The following GAB1 variants were observed in gnomAD, a reference collection of about 807,000 sequenced individuals.
GAB1 encodes GRB2 associated binding protein 1, also known as GRB2-associated-binding protein 1.
In GAB1, 19 loss-of-function variants were observed where a neutral mutation model predicts 66.5. The observed-to-expected ratio is 0.29, with a 90% confidence interval of 0.20 to 0.42. GAB1 has a LOEUF of 0.42. Among genes scored for constraint, GAB1 ranks in the 10% least tolerant of loss-of-function variants. GAB1 has a pLI of 1.00. For synonymous variants in GAB1, 294 were observed against 301.4 expected (o/e 0.98, Z 0.25); for missense variants, 732 against 858.5 (o/e 0.85, Z 1.84).
chr4:143,388,424 T>C (rs1375150426), intron 1 of GAB1, among the ~76,000 whole-genome samples: 1 of 152,200 alleles, frequency 6.6e-6, no homozygotes, highest in Non-Finnish European at 1.5e-5. Flanking sequence ...GAGGTTTTTT[T>C]GTGTGTGCGA....
At chr4:143,417,968 A>G (rs1732786381) in intron 2 of GAB1, among the ~76,000 whole-genome samples, 1 of 152,228 alleles carries the variant, frequency 6.6e-6, no homozygotes, top group African/African-American at 2.4e-5. Context: ...AATCAACACC[A>G]AGATTCGGAT....
chr4:143,426,960 A>G (rs1205626942), intron 2 of GAB1, among the ~76,000 whole-genome samples: 1 of 152,232 alleles, frequency 6.6e-6, no homozygotes, highest in Non-Finnish European at 1.5e-5. Flanking sequence ...CTGATGCAGA[A>G]CTTTGCTCTG....
At chr4:143,422,208 T>G (rs758901608) in intron 2 of GAB1, among the ~76,000 whole-genome samples, 1 of 152,204 alleles carries the variant, frequency 6.6e-6, no homozygotes, top group Non-Finnish European at 1.5e-5. Flanking sequence ...CTATTCAAAA[T>G]GCTTCTCTTT....
chr4:143,375,469 G>C (rs1348887337), intron 1 of GAB1, among the ~76,000 whole-genome samples: 1 of 152,156 alleles, frequency 6.6e-6, no homozygotes, highest in African/African-American at 2.4e-5. Flanking sequence ...TCCTTCACTA[G>C]ATGGTAGCAC....
At chr4:143,381,432 T>C (rs1730648656) in intron 1 of GAB1, among the ~76,000 whole-genome samples, 1 of 152,134 alleles carries the variant, frequency 6.6e-6, no homozygotes, top group African/African-American at 2.4e-5. Flanking sequence ...TTCAGTATGG[T>C]ATCACCGGCT....
chr4:143,423,819 T>C (rs185917537), intron 2 of GAB1, among the ~76,000 whole-genome samples: 8,868 of 126,074 alleles, frequency 0.07, 984 homozygotes, highest in African/African-American at 0.19. Flanking sequence ...TATATATATA[T>C]ATATATATAT....
intron 1 of GAB1, among the ~76,000 whole-genome samples, chr4:143,397,550 C>T (rs1731512282): frequency 6.6e-6 from 1 of 152,128 alleles, no homozygotes. Flanking sequence ...TATGTATAAA[C>T]ATACTTTAAG....
chr4:143,430,772 A>T (rs993575628), intron 2 of GAB1, among the ~76,000 whole-genome samples: 1 of 152,176 alleles, frequency 6.6e-6, no homozygotes, highest in Non-Finnish European at 1.5e-5. Context: ...AATTTACAGA[A>T]AAACCATATT....
intron 1 of GAB1, 126 bp from the exon 2 acceptor site, chr4:143,415,351 A>G: frequency 1.3e-6 from 1 of 744,474 alleles, no homozygotes; most frequent in South Asian, 2.0e-5. Context: ...AAACACACAC[A>G]CAAACACACA....
chr4:143,416,155 C>T (rs938384949), intron 2 of GAB1, among the ~76,000 whole-genome samples: 1 of 152,170 alleles, frequency 6.6e-6, no homozygotes, highest in East Asian at 1.9e-4. Flanking sequence ...CCTGCAATCC[C>T]AGCACTCTGG....
rs1039253584 is a variant in GAB1 at position 143,438,231 on chromosome 4, T to G, written c.826T>G (p.Ser276Ala). 12 of 1,614,002 alleles carry G rather than the reference T, an allele frequency of 7.4e-6. No individual in the cohort carries two copies. Among genetic ancestry groups the G allele is most frequent in the Non-Finnish European group, 1.0e-5 (12 of 1,180,032 alleles). Residue 276 changes from serine (S) to alanine (A), a missense_variant, in exon 4 of 10, where the codon TCA becomes GCA. Around this residue, in one of 4 missense-constraint regions of GAB1, gnomAD observed 427 missense variants for 420.6 expected, o/e 1.02. Coordinates refer to ENST00000262994, the MANE Select transcript of GAB1 (RefSeq NM_002039.4). ...SHDVLPKVSP[S>A]STEADGELYV... Reference sequence around the variant, plus strand: ...TGATGTTTTACCAAAGGTGTCTCCATCAAGTACTGAAGCAGATGGAGAACT... The same window carrying G: ...TGATGTTTTACCAAAGGTGTCTCCAGCAAGTACTGAAGCAGATGGAGAACT...
intron 6 of GAB1, 87 bp downstream of exon 6, chr4:143,440,469 G>T: frequency 7.9e-7 from 1 of 1,264,202 alleles, no homozygotes; most frequent in South Asian, 1.6e-5. Context: ...ATAGAATTTG[G>T]ACTAGAAATT....
chr4:143,337,934 G>T (rs1195912010), intron 1 of GAB1, among the ~76,000 whole-genome samples: 1 of 152,198 alleles, frequency 6.6e-6, no homozygotes, highest in African/African-American at 2.4e-5. Context: ...AGAGGAGGGC[G>T]CTGGGGGGGA....
intron 8 of GAB1, among the ~76,000 whole-genome samples, chr4:143,465,772 G>C (rs1178706765): frequency 6.6e-6 from 1 of 152,118 alleles, no homozygotes; most frequent in African/African-American, 2.4e-5. Context: ...TAACTTGAAA[G>C]CAAGGAATAT....
At chr4:143,402,527 T>G (rs1449992589) in intron 1 of GAB1, among the ~76,000 whole-genome samples, 1 of 152,144 alleles carries the variant, frequency 6.6e-6, no homozygotes, top group Non-Finnish European at 1.5e-5. Flanking sequence ...ATCACTGGAT[T>G]AGAGAGGGGA....
intron 1 of GAB1, among the ~76,000 whole-genome samples, chr4:143,370,111 G>A (rs1260968949): frequency 6.6e-6 from 1 of 152,156 alleles, no homozygotes; most frequent in Non-Finnish European, 1.5e-5. Flanking sequence ...GGATAATTTG[G>A]GGAACATTTC....
intron 6 of GAB1, among the ~76,000 whole-genome samples, chr4:143,454,951 C>A (rs1735105014): frequency 6.6e-6 from 1 of 151,076 alleles, no homozygotes; most frequent in Non-Finnish European, 1.5e-5. Context: ...CAGGTTTGTT[C>A]TTGCCTTGTT....
At chr4:143,349,352 A>T (rs1037671673) in intron 1 of GAB1, 5 of 1,078,746 alleles carry the variant, frequency 4.6e-6, no homozygotes, top group Admixed American at 3.5e-5. Flanking sequence ...TGGTCAGTGA[A>T]GTCCTGATAG....
intron 1 of GAB1, among the ~76,000 whole-genome samples, chr4:143,346,450 C>G (rs1003740276): frequency 1.3e-4 from 20 of 152,174 alleles, no homozygotes; most frequent in African/African-American, 4.8e-4. Context: ...CCCATCACTG[C>G]TGTGGCCAGA....
Sources: allele counts gnomAD v4.1 joint callset (sites outside exome capture counted in the v4.1 genomes callset), GRCh38; gene constraint gnomAD v4.1.1; regional missense constraint gnomAD v4.1.1; transcripts MANE v1.5; gene names NCBI Gene and HGNC (gene_info 2026-07-23, HGNC 2026-07-21).